The following USP33 variants were observed in gnomAD, a reference collection of about 807,000 sequenced individuals.
USP33 encodes the protein ubiquitin specific peptidase 33.
Under a neutral mutation model 124.2 loss-of-function variants are expected in USP33, and 46 were observed. That is an observed-to-expected ratio of 0.37 (90% confidence interval 0.29 to 0.47). The LOEUF is 0.47. Among genes scored for constraint, USP33 ranks in the 20% least tolerant of loss-of-function variants. USP33 has a pLI of 0.99. For synonymous variants in USP33, 350 were observed against 352.3 expected (o/e 0.99, Z 0.07); for missense variants, 851 against 1,070.6 (o/e 0.79, Z 2.86).
intron 1 of USP33, chr1:77,759,316 AAGGGAGCAG>A (rs1217037622): frequency 3.0e-6 from 1 of 330,944 alleles, no homozygotes; most frequent in African/African-American, 2.1e-5. Flanking sequence ...GAGACCGAGG[AAGGGAGCAG>A]AGCCCCCGCT....
chr1:77,734,850 G>A (rs867462154), intron 6 of USP33, among the ~76,000 whole-genome samples: 23 of 152,112 alleles, frequency 1.5e-4, no homozygotes, highest in Middle Eastern at 3.2e-3. Flanking sequence ...TATGCCGGGC[G>A]CAGTGGCTCA....
In USP33 at chr1:77,759,760, G is replaced by T; in HGVS notation, c.-169C>A. On this transcript the variant is annotated 5_prime_UTR_variant, in exon 1 of 24. Transcript: ENST00000370794. ...GAGAGGGGCAGTGTCGCGTCAGGAG[G>T]GCCGGAAAACGGCCCCGCAGCGCTG... is the stretch of plus-strand genomic sequence containing the variant. 1 of 398,056 alleles carries T rather than the reference G, an allele frequency of 2.5e-6. No homozygotes were observed. Among genetic ancestry groups the T allele is most frequent in the South Asian group, 1.3e-4 (1 of 7,858 alleles). 24.7% of individuals were successfully genotyped at this position (398,056 alleles called of 1,614,324 possible). A position where few individuals can be genotyped will look rare whatever the true frequency, so the allele number is the denominator to read the frequency against.
intron 18 of USP33, among the ~76,000 whole-genome samples, chr1:77,715,309 C>T (rs371512694): frequency 3.9e-5 from 6 of 152,172 alleles, no homozygotes; most frequent in African/African-American, 1.4e-4. Flanking sequence ...CGGGTTCAAG[C>T]GATTCTCCTG....
At chr1:77,751,225 A>G (rs1412491914) in intron 1 of USP33, among the ~76,000 whole-genome samples, 1 of 152,176 alleles carries the variant, frequency 6.6e-6, no homozygotes, top group African/African-American at 2.4e-5. Flanking sequence ...TAACTGGACT[A>G]CTGGAAGTTT....
intron 7 of USP33, among the ~76,000 whole-genome samples, chr1:77,733,204 G>GGCTTGTT (rs1326294179): frequency 6.6e-6 from 1 of 152,132 alleles, no homozygotes; most frequent in Non-Finnish European, 1.5e-5. Flanking sequence ...AACCAGCCTA[G>GGCTTGTT]GCAACAAGGT....
At chr1:77,751,103 T>C (rs1680290058) in intron 1 of USP33, among the ~76,000 whole-genome samples, 2 of 152,240 alleles carry the variant, frequency 1.3e-5, no homozygotes, top group Non-Finnish European at 2.9e-5. Flanking sequence ...AAGACTCCTG[T>C]AGAAGCTTGT....
chr1:77,728,752 T>C (rs1156683208), intron 9 of USP33, 40 bp from the exon 10 acceptor site: 4 of 1,572,814 alleles, frequency 2.5e-6, no homozygotes, highest in Non-Finnish European at 3.4e-6. Flanking sequence ...CTTCATTACA[T>C]GTGTATATAG....
chr1:77,708,186 A>T (rs1674840858), intron 21 of USP33, among the ~76,000 whole-genome samples: 1 of 152,194 alleles, frequency 6.6e-6, no homozygotes. Context: ...CATCATTTTC[A>T]TGTATTCATA....
chr1:77,745,688 A>G (rs892830525), intron 1 of USP33: 1 of 152,222 alleles, frequency 6.6e-6, no homozygotes, highest in African/African-American at 2.4e-5. Flanking sequence ...TGTCTCTCAG[A>G]CCACAGTGCA....
At chr1:77,698,237 CT>C (rs76688044) in intron 22 of USP33, among the ~76,000 whole-genome samples, 9,268 of 120,894 alleles carry the variant, frequency 0.077, 544 homozygotes, top group African/African-American at 0.18. Context: ...CTAATTTTTG[CT>C]TTTTTTTTTT....
At chr1:77,756,873 C>T (rs1680845711) in intron 1 of USP33, among the ~76,000 whole-genome samples, 1 of 152,196 alleles carries the variant, frequency 6.6e-6, no homozygotes, top group South Asian at 2.1e-4. Flanking sequence ...AACATAAAGC[C>T]ACCCCAGCAG....
chr1:77,709,183 CTATTT>C (rs1674958279), intron 21 of USP33, among the ~76,000 whole-genome samples: 1 of 151,892 alleles, frequency 6.6e-6, no homozygotes, highest in African/African-American at 2.4e-5. Context: ...GCAGTATCTC[CTATTT>C]TATTTAATGA....
At position 77,722,190 on chromosome 1, in the gene USP33, C is replaced by A. The variant is rs748319842; in HGVS notation, c.1396G>T (p.Val466Leu). ...VQCLTCDRVS[V>L]TLETFQDLSL... is the part of the protein sequence containing the mutation. ...AGATCTTGAAAGGTCTCGAGGGTTA[C>A]AGACACCTAAAATTGTTTTGTGTTT... Residue 466 changes from valine to leucine, a missense_variant, in exon 13 of 24, where the codon GTA (valine) becomes TTA (leucine). Val to Leu is a conservative substitution (Grantham distance 32). Around this residue, in one of 4 missense-constraint regions of USP33, gnomAD observed 281 missense variants for 425.0 expected, o/e 0.66. Coordinates refer to ENST00000370794, the MANE Select transcript of USP33 (RefSeq NM_201624.3). 2 of 1,607,806 alleles carry A rather than the reference C, an allele frequency of 1.2e-6. No homozygotes were observed. The highest frequency in any genetic ancestry group is 1.3e-5 in the African/African-American group (1 of 74,564).
intron 22 of USP33, among the ~76,000 whole-genome samples, chr1:77,700,167 A>G (rs1673846028): frequency 6.6e-6 from 1 of 152,234 alleles, no homozygotes; most frequent in Admixed American, 6.5e-5. Flanking sequence ...TATGTAACAA[A>G]CCTGCACATC....
At chr1:77,701,820 C>T (rs1057500446) in intron 21 of USP33, among the ~76,000 whole-genome samples, 2 of 151,964 alleles carry the variant, frequency 1.3e-5, no homozygotes, top group Non-Finnish European at 2.9e-5. Context: ...CAGGTGCCTG[C>T]CACCGCACCT....
intron 21 of USP33, among the ~76,000 whole-genome samples, chr1:77,706,726 T>C (rs919240885): frequency 2.0e-5 from 3 of 152,232 alleles, no homozygotes; most frequent in Non-Finnish European, 2.9e-5. Flanking sequence ...CTTTGTGGGT[T>C]TGGTACTATC....
intron 11 of USP33, among the ~76,000 whole-genome samples, chr1:77,724,273 T>C (rs1676910969): frequency 6.6e-6 from 1 of 152,170 alleles, no homozygotes; most frequent in Admixed American, 6.5e-5. Flanking sequence ...TTCTATTATT[T>C]AAAGTTTTTA....
At chr1:77,706,225 A>G (rs1049667694) in intron 21 of USP33, among the ~76,000 whole-genome samples, 1 of 152,204 alleles carries the variant, frequency 6.6e-6, no homozygotes, top group African/African-American at 2.4e-5. Flanking sequence ...AGAAATTACC[A>G]AACTGTTTAT....
Position 77,721,800 on chromosome 1 carries a change from A to G in USP33, c.1657+31T>C, listed in dbSNP as rs1188921868. 43 of 1,574,510 alleles carry G rather than the reference A, an allele frequency of 2.7e-5. No individual in the cohort carries two copies. In the East Asian group the frequency reaches 9.8e-4, roughly 36 times the overall value. On this transcript the variant is annotated intron_variant, in intron 14 of 23. Coordinates refer to ENST00000370794, the MANE Select transcript of USP33 (RefSeq NM_201624.3). The stretch of plus-strand genomic sequence containing the variant: ...CACTAGTATTTTAGATTTACCTACA[A>G]AAATTTAGCCATAGATATTATATTT...
Sources: allele counts gnomAD v4.1 joint callset (sites outside exome capture counted in the v4.1 genomes callset), GRCh38; gene constraint gnomAD v4.1.1; regional missense constraint gnomAD v4.1.1; transcripts MANE v1.5; gene names NCBI Gene and HGNC (gene_info 2026-07-23, HGNC 2026-07-21).